The following HPS4 variants were observed in gnomAD, a reference collection of about 807,000 sequenced individuals.
HPS4 encodes the protein HPS4 biogenesis of lysosomal organelles complex 3 subunit 2.
Under a neutral mutation model 70.3 loss-of-function variants are expected in HPS4, and 44 were observed. The observed-to-expected ratio is 0.63, with a 90% CI of 0.49 to 0.80. The LOEUF is 0.80. Ranked by LOEUF, HPS4 falls within the 30% of genes least tolerant of loss-of-function variation. HPS4 has a pLI of 0.00. For missense variants in HPS4, 873 were observed against 884.4 expected (o/e 0.99, Z 0.16); for synonymous variants, 377 against 355.9 (o/e 1.06, Z -0.67).
At chr22:26,475,864 A>C (rs2090476815) in intron 4 of HPS4, 1 of 152,108 alleles carries the variant, frequency 6.6e-6, no homozygotes. Context: ...CAACATGGTG[A>C]AACCCTGCCT....
Position 26,451,449 on chromosome 22 carries a change from A to G in HPS4, c.*1784T>C, listed in dbSNP as rs2085178105. On this transcript the variant is annotated 3_prime_UTR_variant, in exon 14 of 14. Transcript: ENST00000398145. ...CCACTGCAGAAACTAAGCAGGATCA[A>G]AGGAGGAAAGAAAGGGGCACACCTG... The G allele has an allele frequency of 6.6e-6, 1 of 152,224 alleles. No homozygotes were observed. The highest frequency in any genetic ancestry group is 1.5e-5 in the Non-Finnish European group (1 of 68,038). 9.4% of individuals were successfully genotyped at this position (152,224 alleles called of 1,614,324 possible). A position where few individuals can be genotyped will look rare whatever the true frequency, so the allele number is the denominator to read the frequency against.
chr22:26,450,001 G>A (rs1001297339), downstream of HPS4, among the ~76,000 whole-genome samples: 4 of 152,102 alleles, frequency 2.6e-5, no homozygotes, highest in African/African-American at 7.2e-5. Flanking sequence ...CTTGACTGGC[G>A]GCCACATCAC....
At chr22:26,473,482 A>T (rs1225840769) in intron 4 of HPS4, among the ~76,000 whole-genome samples, 2 of 152,124 alleles carry the variant, frequency 1.3e-5, no homozygotes, top group African/African-American at 4.8e-5. Context: ...GAAGATAAAT[A>T]CTTGGCCGGG....
chr22:26,457,752 G>C (rs2086412019), intron 13 of HPS4, 107 bp downstream of exon 13: 3 of 803,080 alleles, frequency 3.7e-6, no homozygotes, highest in East Asian at 2.6e-5. Context: ...AGAGTAACTA[G>C]AATGTTTTTC....
intron 4 of HPS4, among the ~76,000 whole-genome samples, chr22:26,474,039 A>T (rs2090196978): frequency 6.6e-6 from 1 of 152,248 alleles, no homozygotes; most frequent in African/African-American, 2.4e-5. Flanking sequence ...GACTGAATGC[A>T]ATTGCAATCA....
chr22:26,476,657 T>TAA lies in HPS4; in HGVS notation c.276+335_276+336insTT, dbSNP rs1272010920. On this transcript the variant is annotated intron_variant, in intron 4 of 13. Transcript: ENST00000398145. Reference sequence around the variant, plus strand: ...ATCTATCATTTTTTTCTGGGTCACTTACCCAGTAAGTGTAGAGAGCATGGA... The same window carrying TAA: ...ATCTATCATTTTTTTCTGGGTCACTTAAACCCAGTAAGTGTAGAGAGCATGGA... The TAA allele has an allele frequency of 2.4e-5, 6 of 255,114 alleles. No homozygotes were observed. In the Admixed American group the frequency reaches 3.0e-4, roughly 13 times the overall value. The allele number at this position is 255,114 out of a possible 1,614,324, so 15.8% of individuals were successfully genotyped here.
chr22:26,457,346 A>G (rs1030106205), intron 13 of HPS4, among the ~76,000 whole-genome samples: 8 of 151,074 alleles, frequency 5.3e-5, no homozygotes, highest in Admixed American at 2.0e-4. Flanking sequence ...CCTCCTGAGT[A>G]GCTGGGACTA....
intron 2 of HPS4, 22 bp from the exon 3 acceptor site, chr22:26,479,377 G>T (rs749051864): frequency 1.2e-6 from 2 of 1,612,834 alleles, no homozygotes; most frequent in Non-Finnish European, 1.7e-6. Context: ...ACAGAGTGGA[G>T]CCATGTTTCC....
chr22:26,464,397 G>C lies in HPS4; in HGVS notation c.1233C>G (p.Ser411Arg). The C allele has an allele frequency of 6.2e-7, 1 of 1,614,202 alleles. No homozygotes were observed. The highest frequency in any genetic ancestry group is 8.5e-7 in the Non-Finnish European group (1 of 1,180,038). The stretch of plus-strand genomic sequence containing the variant: ...TGTCCTCAGGAGGCGTGGGTTCCAG[G>C]CTGCTGGAGGCGCTGAGAGATGCCT... ...YCKASLSASS[S>R]LEPTPPEDTA... The change falls in exon 11 of 14, where the codon AGC becomes AGG. Residue 411 changes from serine to arginine, a missense_variant. Ser to Arg is a moderately radical substitution (Grantham distance 110, BLOSUM62 -1). Coordinates refer to ENST00000398145, the MANE Select transcript of HPS4 (RefSeq NM_022081.6).
chr22:26,457,828 G>C lies in HPS4; in HGVS notation c.1955+31C>G, dbSNP rs200191479. 1.4e-5 allele frequency: 21 copies of C among 1,540,702 alleles called. No homozygotes were observed. In the South Asian group the frequency reaches 1.7e-4, roughly 12 times the overall value. ...GTTCCCATGAGCAGGACCGTGGAGAGTAGGTTGGGGAGCGACTCAGGGAGG... is the reference window on the plus strand; with the variant it reads ...GTTCCCATGAGCAGGACCGTGGAGACTAGGTTGGGGAGCGACTCAGGGAGG... On this transcript the variant is annotated intron_variant, in intron 13 of 13. Coordinates refer to ENST00000398145, the MANE Select transcript of HPS4 (RefSeq NM_022081.6).
chr22:26,460,771 A>G (rs2087091357), intron 11 of HPS4, among the ~76,000 whole-genome samples: 1 of 152,266 alleles, frequency 6.6e-6, no homozygotes, highest in African/African-American at 2.4e-5. Flanking sequence ...CTATCTTTGT[A>G]CAGTCTGAGA....
chr22:26,461,117 G>A (rs1291163132), intron 11 of HPS4, among the ~76,000 whole-genome samples: 2 of 152,216 alleles, frequency 1.3e-5, no homozygotes, highest in African/African-American at 4.8e-5. Flanking sequence ...TAGTGCACAC[G>A]AAAGCAAGTG....
chr22:26,455,692 C>T (rs1356329087), intron 13 of HPS4, among the ~76,000 whole-genome samples: 8 of 151,602 alleles, frequency 5.3e-5, no homozygotes, highest in African/African-American at 1.9e-4. Flanking sequence ...TGTAACACAC[C>T]TCACGTTGTG....
intron 11 of HPS4, among the ~76,000 whole-genome samples, chr22:26,461,769 G>A (rs1164429003): frequency 6.6e-6 from 1 of 152,106 alleles, no homozygotes; most frequent in Non-Finnish European, 1.5e-5. Flanking sequence ...AATCCTTTGG[G>A]TCTGATTAAC....
At chr22:26,478,215 T>C (rs1206123162) in intron 3 of HPS4, among the ~76,000 whole-genome samples, 1 of 151,672 alleles carries the variant, frequency 6.6e-6, no homozygotes, top group Non-Finnish European at 1.5e-5. Context: ...TGACGCAACA[T>C]CTAGAATTTG....
chr22:26,462,868 G>A lies in HPS4; in HGVS notation c.1713+1049C>T, dbSNP rs2285214. ...ATAACTCAGTGATCCAGCGTCTGTG[G>A]AAAGGGCACAGAGAAGCCTGACAGC... On this transcript the variant is annotated intron_variant, in intron 11 of 13. Transcript: ENST00000398145. Among the ~76,000 whole-genome samples, 718 of 152,326 alleles carry A rather than the reference G, an allele frequency of 4.7e-3. 26 individuals carry two copies. The East Asian group carries it at 0.061, about 13-fold the overall frequency.
intron 13 of HPS4, among the ~76,000 whole-genome samples, chr22:26,457,135 GGAGAT>G (rs896123225): frequency 4.8e-4 from 73 of 151,836 alleles, no homozygotes; most frequent in African/African-American, 1.6e-3. Flanking sequence ...GGTGTGTGAT[GGAGAT>G]GAGAGAGGAA....
At chr22:26,444,892 C>T (rs1262226912) in intron 3 of HPS4, 2 of 152,236 alleles carry the variant, frequency 1.3e-5, no homozygotes, top group Non-Finnish European at 2.9e-5. Context: ...ATGATTTCTA[C>T]ACATCGTGAC....
At chr22:26,476,113 C>T (rs1462268466) in intron 4 of HPS4, 2 of 152,034 alleles carry the variant, frequency 1.3e-5, no homozygotes, top group Non-Finnish European at 2.9e-5. Flanking sequence ...AATAAAACAA[C>T]TATAATAAAA....
Sources: gnomAD v4.1 joint callset for allele counts (sites outside exome capture counted in the v4.1 genomes callset) on GRCh38, gnomAD v4.1.1 for gene constraint, MANE v1.5 for transcripts, NCBI Gene and HGNC (gene_info 2026-07-23, HGNC 2026-07-21) for gene names.